FAM13A: variants seen among roughly 807,000 people sequenced by gnomAD.
FAM13A encodes the protein family with sequence similarity 13 member A.
In FAM13A, 76 loss-of-function variants were observed where a neutral mutation model predicts 129.6. The ratio of observed to expected loss-of-function variants is 0.59; its 90% CI spans 0.49 to 0.71. FAM13A has a LOEUF of 0.71. Among genes scored for constraint, FAM13A ranks in the 30% least tolerant of loss-of-function variants. The probability of loss-of-function intolerance (pLI) is 0.00; values close to 1 mark genes in which losing one functional copy is unlikely to be tolerated. For missense variants in FAM13A, 1,108 were observed against 1,249.3 expected (o/e 0.89, Z 1.70); for synonymous variants, 443 against 449.9 (o/e 0.98, Z 0.20).
rs796667740 is a variant in FAM13A, at chr4:88,880,963, G to A, written c.843+25416C>T. Among the ~76,000 whole-genome samples, 8 of 152,118 alleles carry A rather than the reference G, an allele frequency of 5.3e-5. No homozygotes were observed. The South Asian group carries it at 8.3e-4, about 16-fold the overall frequency. ...GCCTGAGAACCATGCCCCTATCCCCGACAGCAGCCACAGCAAGTCCCGCCC... is the reference window on the plus strand; with the variant it reads ...GCCTGAGAACCATGCCCCTATCCCCAACAGCAGCCACAGCAAGTCCCGCCC... On this transcript the variant is annotated intron_variant, in intron 6 of 23. Transcript: ENST00000264344.
chr4:89,034,572 G>T (rs1033102072), intron 1 of FAM13A, among the ~76,000 whole-genome samples: 1 of 152,134 alleles, frequency 6.6e-6, no homozygotes, highest in Non-Finnish European at 1.5e-5. Context: ...CCTATTACTG[G>T]GTAGTATACA....
At position 88,787,781 on chromosome 4, in the gene FAM13A, G is replaced by T; in HGVS notation, c.1243C>A (p.Gln415Lys). Residue 415 changes from glutamine (Q) to lysine (K), a missense_variant, in exon 10 of 24, where the codon CAG becomes AAG. Gln to Lys is a moderately conservative substitution (Grantham distance 53). Coordinates refer to ENST00000264344, the MANE Select transcript of FAM13A (RefSeq NM_014883.4). ...ARQRRRQSKE[Q>K]DEVRHGRDKG... is the part of the protein sequence containing the mutation. Reference sequence around the variant, plus strand: ...TCTCTCCCATGTCGAACTTCATCCTGCTCCTTGGACTGGCGGCGGCGCTGT... The same window carrying T: ...TCTCTCCCATGTCGAACTTCATCCTTCTCCTTGGACTGGCGGCGGCGCTGT... 1.2e-6 allele frequency: 2 copies of T among 1,613,530 alleles called. No individual in the cohort carries two copies. Among genetic ancestry groups the T allele is most frequent in the Non-Finnish European group, 1.7e-6 (2 of 1,179,638 alleles).
intron 4 of FAM13A, among the ~76,000 whole-genome samples, chr4:88,985,624 T>C (rs1427564807): frequency 6.6e-6 from 1 of 152,130 alleles, no homozygotes. Context: ...ACTCATCCTC[T>C]GTGGAGGGGA....
At chr4:89,023,350 T>C (rs1579816958) in intron 2 of FAM13A, among the ~76,000 whole-genome samples, 2 of 152,206 alleles carry the variant, frequency 1.3e-5, no homozygotes, top group East Asian at 1.9e-4. Context: ...CCTGTTCCTA[T>C]ATTTACCCAG....
chr4:88,819,139 T>C (rs1036058396), intron 7 of FAM13A, among the ~76,000 whole-genome samples: 1 of 152,178 alleles, frequency 6.6e-6, no homozygotes, highest in Non-Finnish European at 1.5e-5. Flanking sequence ...AAAACAAATA[T>C]TCAATAATAT....
At chr4:88,911,284 T>C (rs1211788564) in intron 5 of FAM13A, among the ~76,000 whole-genome samples, 1 of 152,258 alleles carries the variant, frequency 6.6e-6, no homozygotes, top group East Asian at 1.9e-4. Flanking sequence ...ATGCTTTCTC[T>C]GTGCTGAGAA....
chr4:88,857,628 C>CAAAAA (rs1177788248), intron 6 of FAM13A, among the ~76,000 whole-genome samples: 1 of 58,550 alleles, frequency 1.7e-5, no homozygotes, highest in Non-Finnish European at 3.5e-5. Flanking sequence ...GATTCTGCCT[C>CAAAAA]AAAAAAAAAA....
intron 19 of FAM13A, among the ~76,000 whole-genome samples, chr4:88,745,050 A>C (rs776966678): frequency 5.3e-5 from 8 of 152,200 alleles, no homozygotes; most frequent in Non-Finnish European, 7.4e-5. Flanking sequence ...AGAAAGTAGA[A>C]CGTGTAATTG....
At chr4:88,918,961 G>A (rs1236379501) in intron 5 of FAM13A, among the ~76,000 whole-genome samples, 7 of 152,158 alleles carry the variant, frequency 4.6e-5, no homozygotes. Flanking sequence ...TCTAATATGA[G>A]GAGGGCTCCT....
intron 5 of FAM13A, among the ~76,000 whole-genome samples, chr4:88,914,562 T>C (rs1228396167): frequency 6.6e-6 from 1 of 152,200 alleles, no homozygotes; most frequent in Non-Finnish European, 1.5e-5. Context: ...TAGCTGTGCA[T>C]TCATTCTTAT....
At chr4:88,813,492 A>G (rs1221453067) in intron 7 of FAM13A, among the ~76,000 whole-genome samples, 1 of 152,248 alleles carries the variant, frequency 6.6e-6, no homozygotes, top group East Asian at 1.9e-4. Context: ...AAACAAAATC[A>G]AAACAATATG....
At chr4:88,793,628 T>G (rs1445102919) in intron 8 of FAM13A, among the ~76,000 whole-genome samples, 1 of 151,930 alleles carries the variant, frequency 6.6e-6, no homozygotes, top group East Asian at 1.9e-4. Context: ...TTGGTTAGCT[T>G]GGCTGCATTG....
intron 19 of FAM13A, 57 bp downstream of exon 19, chr4:88,746,875 A>T: frequency 8.9e-7 from 1 of 1,118,732 alleles, no homozygotes; most frequent in Non-Finnish European, 1.4e-6. Context: ...AACATAGAAA[A>T]TCCATTTCTA....
At chr4:88,808,044 T>C (rs1443261337) in intron 7 of FAM13A, among the ~76,000 whole-genome samples, 2 of 152,226 alleles carry the variant, frequency 1.3e-5, no homozygotes, top group Middle Eastern at 3.4e-3. Flanking sequence ...CCATGCACAG[T>C]CCCTGAGAAA....
intron 4 of FAM13A, among the ~76,000 whole-genome samples, chr4:88,946,574 T>G (rs1471605859): frequency 6.6e-6 from 1 of 152,080 alleles, no homozygotes; most frequent in Non-Finnish European, 1.5e-5. Flanking sequence ...AAGGAATCTG[T>G]GCAGTTGCTG....
At chr4:88,864,009 G>T (rs188666607) in intron 6 of FAM13A, among the ~76,000 whole-genome samples, 7 of 152,168 alleles carry the variant, frequency 4.6e-5, no homozygotes, top group Admixed American at 1.3e-4. Context: ...AGATCAAGAA[G>T]TAAACAAAAA....
Position 88,749,785 on chromosome 4 carries a change from C to G in FAM13A, c.2065G>C (p.Glu689Gln), listed in dbSNP as rs1250021016. 2.1e-5 allele frequency: 34 copies of G among 1,614,018 alleles called. No individual in the cohort carries two copies. Among genetic ancestry groups the G allele is most frequent in the Non-Finnish European group, 2.7e-5 (32 of 1,180,018 alleles). ...GGGACACTTACTCTGTACTTCTTCT[C>G]TTCTTCGAATCTATCTTCAAACTTC... ...IRKFEDRFEEEKKYRPSHSDK... is the reference protein window; with the variant it reads ...IRKFEDRFEEQKKYRPSHSDK... Residue 689 changes from glutamate (E) to glutamine (Q), a missense_variant, in exon 16 of 24, where the codon GAG (glutamate) becomes CAG (glutamine). Physicochemically the swap from Glu to Gln is conservative, Grantham distance 29. This residue lies in a region of FAM13A where 529 missense variants were observed against 621.2 expected (regional missense o/e 0.85). Transcript: ENST00000264344.
In FAM13A at chr4:88,754,888, G is replaced by T. The variant is rs533650454; in HGVS notation, c.1726+3866C>A. Among the ~76,000 whole-genome samples the T allele has an allele frequency of 9.9e-5, 15 of 152,162 alleles. No homozygotes were observed. In the South Asian group the frequency reaches 2.9e-3, roughly 30 times the overall value. The stretch of plus-strand genomic sequence containing the variant: ...TTAATAAATGTGTGGAACAGGATAG[G>T]GCTGAGGACTTTTTACCTAATGAGA... On this transcript the variant is annotated intron_variant, in intron 14 of 23. Transcript: ENST00000264344.
intron 7 of FAM13A, among the ~76,000 whole-genome samples, chr4:88,837,630 A>C (rs1735046717): frequency 6.6e-6 from 1 of 150,532 alleles, no homozygotes. Context: ...AGGCAGGAGA[A>C]TCGCTTGAGC....
Sources: gnomAD v4.1 joint callset for allele counts (sites outside exome capture counted in the v4.1 genomes callset) on GRCh38, gnomAD v4.1.1 for gene constraint, gnomAD v4.1.1 regional missense constraint, MANE v1.5 for transcripts, NCBI Gene and HGNC (gene_info 2026-07-23, HGNC 2026-07-21) for gene names.